The following EEPD1 variants were observed in gnomAD, a reference collection of about 807,000 sequenced individuals.
EEPD1 encodes endonuclease/exonuclease/phosphatase family domain-containing protein 1.
A neutral mutation model predicts 46.3 loss-of-function variants in EEPD1; 17 were observed. The observed-to-expected ratio is 0.37, with a 90% confidence interval of 0.25 to 0.55. EEPD1 has a LOEUF of 0.55. Ranked by LOEUF, EEPD1 falls within the 20% of genes least tolerant of loss-of-function variation. EEPD1 has a pLI of 0.83. For synonymous variants in EEPD1, 313 were observed against 315.6 expected (o/e 0.99, Z 0.09); for missense variants, 673 against 745.6 (o/e 0.90, Z 1.13).
At chr7:36,164,785 T>A (rs965894172) in intron 2 of EEPD1, among the ~76,000 whole-genome samples, 3 of 152,328 alleles carry the variant, frequency 2.0e-5, no homozygotes, top group Non-Finnish European at 1.5e-5. Context: ...CCTGGTGACA[T>A]CTTCATGATC....
intron 2 of EEPD1, among the ~76,000 whole-genome samples, chr7:36,163,904 T>C (rs991351425): frequency 6.9e-6 from 1 of 145,420 alleles, no homozygotes; most frequent in Non-Finnish European, 1.5e-5. Context: ...AAAAAAAAGC[T>C]ATTCTGTTCA....
At chr7:36,244,157 G>C (rs1344279120) in intron 3 of EEPD1, among the ~76,000 whole-genome samples, 2 of 152,084 alleles carry the variant, frequency 1.3e-5, no homozygotes, top group Non-Finnish European at 2.9e-5. Flanking sequence ...CTGTCATGCA[G>C]CTGAGCTTCA....
intron 2 of EEPD1, among the ~76,000 whole-genome samples, chr7:36,200,497 A>G (rs1785694903): frequency 6.6e-6 from 1 of 152,222 alleles, no homozygotes; most frequent in Non-Finnish European, 1.5e-5. Context: ...CCTGCATCAC[A>G]TTGCTTTAAG....
intron 2 of EEPD1, among the ~76,000 whole-genome samples, chr7:36,234,187 G>A (rs1346152275): frequency 2.0e-5 from 3 of 152,100 alleles, no homozygotes; most frequent in African/African-American, 7.2e-5. Flanking sequence ...CCAAAGTGCT[G>A]GAATTACAGG....
intron 2 of EEPD1, among the ~76,000 whole-genome samples, chr7:36,189,220 G>A (rs1382060514): frequency 2.0e-5 from 3 of 152,208 alleles, no homozygotes; most frequent in Non-Finnish European, 4.4e-5. Flanking sequence ...CTGACACAGG[G>A]TGGTCCCCAA....
intron 2 of EEPD1, among the ~76,000 whole-genome samples, chr7:36,168,186 A>T (rs1785017759): frequency 6.6e-6 from 1 of 152,376 alleles, no homozygotes; most frequent in Middle Eastern, 3.4e-3. Context: ...AGTAGCACTC[A>T]GGAATTTGTG....
intron 4 of EEPD1, 71 bp downstream of exon 4, chr7:36,281,296 A>G (rs545168097): frequency 7.3e-7 from 1 of 1,379,046 alleles, no homozygotes; most frequent in Admixed American, 2.1e-5. Context: ...AATCAAGGGC[A>G]TTTAAAAATT....
chr7:36,175,357 A>G (rs141518422), intron 2 of EEPD1, among the ~76,000 whole-genome samples: 1 of 152,222 alleles, frequency 6.6e-6, no homozygotes, highest in Admixed American at 6.5e-5. Context: ...CAGCCTCCCG[A>G]GCAGCTGGGA....
In EEPD1 at chr7:36,239,003, G is replaced by A. The variant is rs1315960428; in HGVS notation, c.897G>A (p.Val299=). The change falls in exon 3 of 8, where the codon GTG becomes GTA. Residue 299 remains valine (V), a synonymous_variant. Transcript: ENST00000242108. Reference sequence around the variant, plus strand: ...CTTACAGCATCAAGCTTCTAGCTGTGCAAGAACTGCTTGACAGAGAGGCCT... The same window carrying A: ...CTTACAGCATCAAGCTTCTAGCTGTACAAGAACTGCTTGACAGAGAGGCCT... ...LLENSIKLLA[V]QELLDREALE... 17 of 1,610,776 alleles carry A rather than the reference G, an allele frequency of 1.1e-5. No homozygotes were observed. In the Admixed American group the frequency reaches 2.7e-4, roughly 26 times the overall value.
intron 2 of EEPD1, among the ~76,000 whole-genome samples, chr7:36,200,331 A>G (rs1209843488): frequency 6.6e-6 from 1 of 152,186 alleles, no homozygotes; most frequent in African/African-American, 2.4e-5. Context: ...ATGGCTGCAT[A>G]GTATTCCGTG....
intron 2 of EEPD1, among the ~76,000 whole-genome samples, chr7:36,166,235 G>T (rs1784979455): frequency 6.6e-6 from 1 of 152,216 alleles, no homozygotes; most frequent in African/African-American, 2.4e-5. Flanking sequence ...ATTTGTAATT[G>T]TTTGTGTTAT....
Position 36,155,017 on chromosome 7 carries a change from G to A in EEPD1, c.693G>A (p.Leu231=). 1 of 1,607,788 alleles carries A rather than the reference G, an allele frequency of 6.2e-7. No individual in the cohort carries two copies. The highest frequency in any genetic ancestry group is 1.1e-5 in the South Asian group (1 of 90,698). The stretch of plus-strand genomic sequence containing the variant: ...CCCTGAGCCTGCAGAGTGAGGACCT[G>A]GACCTGCCGCCAGGGGGGCCCACCC... The part of the protein sequence containing the change: ...PTSLSLQSED[L]DLPPGGPTQI... Residue 231 remains leucine (L), a synonymous_variant, in exon 2 of 8, where the codon CTG becomes CTA. Transcript: ENST00000242108.
chr7:36,234,704 C>T (rs1346869089), intron 2 of EEPD1, among the ~76,000 whole-genome samples: 1 of 152,000 alleles, frequency 6.6e-6, no homozygotes, highest in Non-Finnish European at 1.5e-5. Flanking sequence ...TGTCTAATCC[C>T]TTTGGAGGGA....
intron 2 of EEPD1, among the ~76,000 whole-genome samples, chr7:36,214,915 C>T (rs537092142): frequency 2.2e-4 from 33 of 152,296 alleles, no homozygotes; most frequent in African/African-American, 7.7e-4. Flanking sequence ...TGCAGCCACT[C>T]GGTATTACGG....
rs114163761 is a variant in EEPD1 at position 36,235,473 on chromosome 7, G to A, written c.879-3512G>A. Reference sequence around the variant, plus strand: ...TTCCCAGCCTTCCTTCCCTGACAAAGCTAACCTGGTCCCTCCAGGAATCCT... The same window carrying A: ...TTCCCAGCCTTCCTTCCCTGACAAAACTAACCTGGTCCCTCCAGGAATCCT... On this transcript the variant is annotated intron_variant, in intron 2 of 7. Coordinates refer to ENST00000242108, the MANE Select transcript of EEPD1 (RefSeq NM_030636.3). 3.8e-3 allele frequency among the ~76,000 whole-genome samples: 575 copies of A among 152,340 alleles called. 5 individuals are homozygous for A. Among genetic ancestry groups the A allele is most frequent in the African/African-American group, 0.013 (546 of 41,578 alleles).
chr7:36,172,584 C>A (rs1356918715), intron 2 of EEPD1, among the ~76,000 whole-genome samples: 1 of 150,232 alleles, frequency 6.7e-6, no homozygotes, highest in Non-Finnish European at 1.5e-5. Flanking sequence ...CACATCCCAA[C>A]ACAAATTTAT....
At chr7:36,183,167 T>G (rs1583793030) in intron 2 of EEPD1, among the ~76,000 whole-genome samples, 1 of 152,326 alleles carries the variant, frequency 6.6e-6, no homozygotes, top group East Asian at 1.9e-4. Flanking sequence ...AGCAGCTGAC[T>G]GTGTAGTGTT....
At chr7:36,295,270 A>C (rs951092919) in intron 6 of EEPD1, among the ~76,000 whole-genome samples, 30 of 152,288 alleles carry the variant, frequency 2.0e-4, no homozygotes, top group African/African-American at 7.0e-4. Context: ...AACAAAAAAA[A>C]CCTGCTGGGT....
intron 3 of EEPD1, among the ~76,000 whole-genome samples, chr7:36,269,732 T>G (rs1245758561): frequency 6.6e-6 from 1 of 150,480 alleles, no homozygotes; most frequent in Non-Finnish European, 1.5e-5. Context: ...CCCATCTCTA[T>G]TCTAATTTAA....
Sources: allele counts gnomAD v4.1 joint callset (sites outside exome capture counted in the v4.1 genomes callset), GRCh38; gene constraint gnomAD v4.1.1; transcripts MANE v1.5; gene names NCBI Gene and HGNC (gene_info 2026-07-23, HGNC 2026-07-21).